The following DAB2IP variants were observed in gnomAD, a reference collection of about 807,000 sequenced individuals.
DAB2IP encodes DAB2 interacting protein.
In DAB2IP, 28 loss-of-function variants were observed where a neutral mutation model predicts 107.2. That is an observed-to-expected ratio of 0.26 (90% CI 0.19 to 0.36). DAB2IP has a LOEUF of 0.36. DAB2IP is among the 10% of genes least tolerant of loss of function. DAB2IP has a pLI of 1.00. For missense variants in DAB2IP, 1,400 were observed against 1,644.7 expected (o/e 0.85, Z 2.57); for synonymous variants, 755 against 706.4 (o/e 1.07, Z -1.09).
rs377482135 is a variant in DAB2IP at position 121,633,389 on chromosome 9, C to A, written c.41-45289C>A. 2.0e-5 allele frequency among the ~76,000 whole-genome samples: 3 copies of A among 152,258 alleles called. No individual in the cohort carries two copies. Among genetic ancestry groups the A allele is most frequent in the South Asian group, 2.1e-4 (1 of 4,818 alleles). On this transcript the variant is annotated intron_variant, in intron 1 of 16. Transcript: ENST00000259371. This position sits in a 1 kb window ranked among gnomAD's most constrained non-coding sequence, Gnocchi z 5.1. ...GTCTTTGCCCACTGACCCCACCCCCCCTACCAAACCACCTCTGCTGCAAAC... is the reference window on the plus strand; with the variant it reads ...GTCTTTGCCCACTGACCCCACCCCCACTACCAAACCACCTCTGCTGCAAAC...
At chr9:121,611,317 A>G (rs1392264042) in intron 1 of DAB2IP, among the ~76,000 whole-genome samples, 1 of 152,088 alleles carries the variant, frequency 6.6e-6, no homozygotes, top group Non-Finnish European at 1.5e-5. Context: ...AAATCTGTTG[A>G]TGGCCACTGA....
intron 1 of DAB2IP, among the ~76,000 whole-genome samples, chr9:121,645,621 G>A (rs1268560066): frequency 2.0e-5 from 3 of 152,174 alleles, no homozygotes; most frequent in Admixed American, 2.0e-4. Context: ...TGGGATGAGA[G>A]AGCCAACCAG....
intron 1 of DAB2IP, among the ~76,000 whole-genome samples, chr9:121,645,535 G>C (rs1016686530): frequency 7.2e-4 from 110 of 152,312 alleles, no homozygotes; most frequent in African/African-American, 2.6e-3. Flanking sequence ...TGTGACCTTG[G>C]GTGAGTCGCT....
At chr9:121,621,496 C>T (rs968368962) in intron 1 of DAB2IP, among the ~76,000 whole-genome samples, 1 of 152,176 alleles carries the variant, frequency 6.6e-6, no homozygotes, top group Non-Finnish European at 1.5e-5. Context: ...GTTCCCCTGC[C>T]TGGTGTGCCT....
At position 121,776,076 on chromosome 9, in the gene DAB2IP, G is replaced by A. The variant is rs544398103; in HGVS notation, c.3121-122G>A. ...CATCTCCTTGCTATGTGAAGTGGGC[G>A]GGTCACAGCCACTGGGGCCTTTCAA... On this transcript the variant is annotated intron_variant, in intron 13 of 15. Coordinates refer to ENST00000408936, the Ensembl canonical transcript of DAB2IP. This position sits in a 1 kb window ranked among gnomAD's most constrained non-coding sequence, Gnocchi z 5.4. The A allele has an allele frequency of 4.5e-4, 516 of 1,145,894 alleles. 3 individuals carry two copies. Among genetic ancestry groups the A allele is most frequent in the Non-Finnish European group, 5.7e-4 (470 of 819,244 alleles). 71.0% of individuals were successfully genotyped at this position (1,145,894 alleles called of 1,614,324 possible).
In DAB2IP at chr9:121,759,009, C is replaced by G. The variant is rs769580713; in HGVS notation, c.615+13C>G. 1 of 1,605,468 alleles carries G rather than the reference C, an allele frequency of 6.2e-7. No homozygotes were observed. Among genetic ancestry groups the G allele is most frequent in the South Asian group, 1.1e-5 (1 of 88,910 alleles). Reference sequence around the variant, plus strand: ...GCATCCCAACAAGGTAAGCCTGCGCCCCTCTCACCAAAGCATGGGGGATTG... The same window carrying G: ...GCATCCCAACAAGGTAAGCCTGCGCGCCTCTCACCAAAGCATGGGGGATTG... On this transcript the variant is annotated intron_variant, in intron 5 of 15. Coordinates refer to ENST00000408936, the Ensembl canonical transcript of DAB2IP.
intron 14 of DAB2IP, among the ~76,000 whole-genome samples, chr9:121,778,981 T>TC (rs1158347370): frequency 3.3e-5 from 5 of 152,162 alleles, no homozygotes; most frequent in Non-Finnish European, 7.3e-5. Context: ...CAGTCCCACC[T>TC]CCCCCCATTT....
At chr9:121,583,910 G>A (rs1338667316) in intron 1 of DAB2IP, among the ~76,000 whole-genome samples, 1 of 152,198 alleles carries the variant, frequency 6.6e-6, no homozygotes, top group Admixed American at 6.5e-5. Context: ...CAGGCGTGGT[G>A]GCTCATGCCT....
chr9:121,783,310 C>G, exon 16 of DAB2IP: 6 of 1,410,654 alleles, frequency 4.3e-6, no homozygotes, highest in Non-Finnish European at 5.5e-6. Flanking sequence ...CTAGGGCTCC[C>G]AGAAGCCAGA....
At chr9:121,718,763 T>C (rs979111483) in intron 3 of DAB2IP, among the ~76,000 whole-genome samples, 1 of 152,230 alleles carries the variant, frequency 6.6e-6, no homozygotes, top group African/African-American at 2.4e-5. Flanking sequence ...GATTGTGTCA[T>C]GGAGTTCCCC....
chr9:121,612,171 A>T (rs1346978902), intron 1 of DAB2IP, among the ~76,000 whole-genome samples: 1 of 151,370 alleles, frequency 6.6e-6, no homozygotes, highest in East Asian at 1.9e-4. Flanking sequence ...AAAAAAAATT[A>T]CCTGGGGCTG....
intron 1 of DAB2IP, among the ~76,000 whole-genome samples, chr9:121,612,943 T>C (rs1831146123): frequency 6.6e-6 from 1 of 152,208 alleles, no homozygotes; most frequent in African/African-American, 2.4e-5. Flanking sequence ...GCTTGGCAGT[T>C]AGGACACTTG....
chr9:121,686,175 G>T (rs959618208), intron 2 of DAB2IP, among the ~76,000 whole-genome samples: 1 of 152,192 alleles, frequency 6.6e-6, no homozygotes, highest in African/African-American at 2.4e-5. Flanking sequence ...GTTCTCAGGA[G>T]CCTGTTCCAA....
chr9:121,668,453 G>A (rs1204459380), intron 1 of DAB2IP, among the ~76,000 whole-genome samples: 2 of 152,156 alleles, frequency 1.3e-5, no homozygotes, highest in African/African-American at 4.8e-5. Context: ...TACCCAGGCT[G>A]GTCTTGAACT....
chr9:121,702,866 T>C lies in DAB2IP; in HGVS notation c.362+3408T>C, dbSNP rs1829856080. ...TAGCCCTCCACACCTGCTGGGAATA[T>C]GCTTCCTTTGGCATGCTACCTGTCT... On this transcript the variant is annotated intron_variant, in intron 3 of 15. Transcript: ENST00000408936. The surrounding 1 kb of genome is among the most constrained non-coding windows in gnomAD (Gnocchi z 4.5). Among the ~76,000 whole-genome samples, 1 of 152,194 alleles carries C rather than the reference T, an allele frequency of 6.6e-6. No homozygotes were observed.
rs764715384 is a variant in DAB2IP, at chr9:121,772,863, G to A, written c.2335G>A (p.Ala779Thr). Residue 779 changes from alanine (A) to threonine (T), a missense_variant, in exon 12 of 16, where the codon GCT becomes ACT. Around this residue, in one of 3 missense-constraint regions of DAB2IP, gnomAD observed 600 missense variants for 659.1 expected, o/e 0.91. Coordinates refer to ENST00000408936, the Ensembl canonical transcript of DAB2IP. The surrounding 1 kb of genome is among the most constrained non-coding windows in gnomAD (Gnocchi z 4.7). Reference sequence around the variant, plus strand: ...CCCCACAGATGGGCAGGCCGCTGCAGCTCAGCTGGTGGCCGGGTGGCCGGC... The same window carrying A: ...CCCCACAGATGGGCAGGCCGCTGCAACTCAGCTGGTGGCCGGGTGGCCGGC... The A allele has an allele frequency of 5.7e-6, 9 of 1,591,802 alleles. No homozygotes were observed. Among genetic ancestry groups the A allele is most frequent in the African/African-American group, 2.7e-5 (2 of 74,616 alleles).
At chr9:121,627,145 A>T (rs1046711049) in intron 1 of DAB2IP, among the ~76,000 whole-genome samples, 3 of 147,214 alleles carry the variant, frequency 2.0e-5, no homozygotes, top group South Asian at 4.5e-4. Flanking sequence ...ACACACTCAC[A>T]CACACACACA....
intron 1 of DAB2IP, among the ~76,000 whole-genome samples, chr9:121,580,341 TC>T (rs1401554458): frequency 6.6e-6 from 1 of 152,160 alleles, no homozygotes; most frequent in East Asian, 1.9e-4. Context: ...TGGAGAGACC[TC>T]TAGGGGTAGG....
chr9:121,608,773 T>G (rs1311228690), intron 1 of DAB2IP, among the ~76,000 whole-genome samples: 3 of 152,248 alleles, frequency 2.0e-5, no homozygotes, highest in African/African-American at 7.2e-5. Flanking sequence ...ATATATTTTT[T>G]AAACCCTCAG....
Sources: allele counts gnomAD v4.1 joint callset (sites outside exome capture counted in the v4.1 genomes callset), GRCh38; gene constraint gnomAD v4.1.1; regional missense constraint gnomAD v4.1.1; non-coding constraint Gnocchi (gnomAD v3.1); transcripts MANE v1.5; gene names NCBI Gene and HGNC (gene_info 2026-07-23, HGNC 2026-07-21).